The following ACAN variants were observed in gnomAD, a reference collection of about 807,000 sequenced individuals.
ACAN encodes the protein aggrecan, also known as aggrecan core protein.
In ACAN, 47 loss-of-function variants were observed where a neutral mutation model predicts 169.1. That is an observed-to-expected ratio of 0.28 (90% confidence interval 0.22 to 0.35). The LOEUF is 0.35. Ranked by LOEUF, ACAN falls within the 10% of genes least tolerant of loss-of-function variation. The probability of loss-of-function intolerance (pLI) is 1.00; values close to 1 mark genes in which losing one functional copy is unlikely to be tolerated. For synonymous variants in ACAN, 1,115 were observed against 1,112.2 expected (o/e 1.00, Z -0.05); for missense variants, 2,716 against 2,759.9 (o/e 0.98, Z 0.36).
intron 1 of ACAN, among the ~76,000 whole-genome samples, chr15:88,825,149 G>T (rs1185003306): frequency 6.6e-6 from 1 of 152,182 alleles, no homozygotes; most frequent in African/African-American, 2.4e-5. Flanking sequence ...GCAGGAGCAG[G>T]AGCGGATCAC....
At position 88,874,698 on chromosome 15, in the gene ACAN, G is replaced by A; in HGVS notation, c.*217G>A. 1.5e-6 allele frequency: 1 copy of A among 650,162 alleles called. No homozygotes were observed. Among genetic ancestry groups the A allele is most frequent in the Non-Finnish European group, 2.8e-6 (1 of 355,296 alleles). The allele number at this position is 650,162 out of a possible 1,614,324, so 40.3% of individuals were successfully genotyped here. On this transcript the variant is annotated 3_prime_UTR_variant, in exon 19 of 19. Transcript: ENST00000560601. This position sits in a 1 kb window ranked among gnomAD's most constrained non-coding sequence, Gnocchi z 7.3. ...TTTGTCCGCCGAATGCCAAAGCAAA[G>A]CAAACTTATTATAACCCTTGGACTG...
chr15:88,813,092 A>T (rs1420885635), intron 1 of ACAN, among the ~76,000 whole-genome samples: 1 of 152,218 alleles, frequency 6.6e-6, no homozygotes, highest in South Asian at 2.1e-4. Context: ...CAAAAGCTGC[A>T]TGGGACATGA....
intron 1 of ACAN, among the ~76,000 whole-genome samples, chr15:88,813,534 T>C (rs1440229909): frequency 2.0e-5 from 3 of 152,194 alleles, no homozygotes; most frequent in East Asian, 3.9e-4. Context: ...TCTCCCCAGC[T>C]TCTCTCAGTA....
At chr15:88,832,050 A>G (rs746032398) in intron 1 of ACAN, among the ~76,000 whole-genome samples, 22 of 152,194 alleles carry the variant, frequency 1.4e-4, no homozygotes, top group East Asian at 1.9e-4. Flanking sequence ...CTTGAGTACA[A>G]TTGGAGCTGC....
intron 8 of ACAN, 28 bp from the exon 9 acceptor site, chr15:88,847,883 C>T: frequency 6.2e-7 from 1 of 1,610,290 alleles, no homozygotes; most frequent in Non-Finnish European, 8.5e-7. Flanking sequence ...AACAGGCCTT[C>T]ATCTTCTCCT....
chr15:88,824,109 G>T (rs7165121), intron 1 of ACAN, among the ~76,000 whole-genome samples: 1,827 of 152,302 alleles, frequency 0.012, 42 homozygotes, highest in African/African-American at 0.042. Context: ...CAGACCACGA[G>T]ATCAGGAGAT....
At position 88,870,439 on chromosome 15, in the gene ACAN, T is replaced by C. The variant is rs900818796; in HGVS notation, c.7061-943T>C. The stretch of plus-strand genomic sequence containing the variant: ...GCAGATGTTTAACAACCAGCTCTCA[T>C]AGAGGAGAAAGGAGCCCTGATTGTA... On this transcript the variant is annotated intron_variant, in intron 14 of 18. Coordinates refer to ENST00000560601, the MANE Select transcript of ACAN (RefSeq NM_001369268.1). The surrounding 1 kb of genome is among the most constrained non-coding windows in gnomAD (Gnocchi z 6.3). 2.6e-5 allele frequency among the ~76,000 whole-genome samples: 4 copies of C among 152,142 alleles called. No homozygotes were observed. Among genetic ancestry groups the C allele is most frequent in the Non-Finnish European group, 4.4e-5 (3 of 68,024 alleles).
chr15:88,810,453 C>T (rs1408671369), intron 1 of ACAN, among the ~76,000 whole-genome samples: 1 of 152,108 alleles, frequency 6.6e-6, no homozygotes, highest in Non-Finnish European at 1.5e-5. Context: ...CAGCCGCCGC[C>T]TCGGGTCCTG....
rs1487339387 is a variant in ACAN, at chr15:88,840,129, C to T, written c.572C>T (p.Ala191Val). 1.2e-6 allele frequency: 2 copies of T among 1,605,824 alleles called. No individual in the cohort carries two copies. The highest frequency in any genetic ancestry group is 1.7e-6 in the Non-Finnish European group (2 of 1,176,594). Residue 191 changes from alanine to valine, a missense_variant, in exon 4 of 19, where the codon GCC (alanine) becomes GTC (valine). Physicochemically the swap from Ala to Val is moderately conservative, Grantham distance 64 (BLOSUM62 0). Coordinates refer to ENST00000560601, the MANE Select transcript of ACAN (RefSeq NM_001369268.1). ...IIATPEQLQA[A>V]YEDGFHQCDA... ...GCCACGCCTGAGCAGCTGCAGGCCG[C>T]CTACGAAGACGGCTTCCACCAGTGT...
intron 1 of ACAN, among the ~76,000 whole-genome samples, chr15:88,806,970 G>A (rs1895698207): frequency 6.6e-6 from 1 of 152,088 alleles, no homozygotes; most frequent in Non-Finnish European, 1.5e-5. Flanking sequence ...ATAAGGGTAT[G>A]TATGTTTATA....
chr15:88,858,054 C>T lies in ACAN; in HGVS notation c.5469C>T (p.Ser1823=), dbSNP rs751902989. ...PDLVSGTTSG[S]GESSGITFVD... ...TGGTTTCTGGTACCACGAGTGGCAG[C>T]GGTGAATCTTCTGGGATTACATTTG... Residue 1823 remains serine, a synonymous_variant, in exon 12 of 19, where the codon AGC becomes AGT. Transcript: ENST00000560601. The surrounding 1 kb of genome is among the most constrained non-coding windows in gnomAD (Gnocchi z 4.0). 17 of 1,613,750 alleles carry T rather than the reference C, an allele frequency of 1.1e-5. No individual in the cohort carries two copies. Among genetic ancestry groups the T allele is most frequent in the African/African-American group, 8.0e-5 (6 of 74,894 alleles).
chr15:88,842,521 CCCCT>C (rs764868872), intron 5 of ACAN, among the ~76,000 whole-genome samples: 66,659 of 148,538 alleles, frequency 0.45, 15,089 homozygotes, highest in Non-Finnish European at 0.53. Context: ...TCCCCCCTCC[CCCCT>C]ACCTGAGCAC....
intron 13 of ACAN, among the ~76,000 whole-genome samples, chr15:88,862,512 T>C (rs1897214946): frequency 6.6e-6 from 1 of 151,940 alleles, no homozygotes; most frequent in Admixed American, 6.6e-5. Context: ...CTCCAAAGAG[T>C]GAGTGGTGGG....
In ACAN at chr15:88,855,306, A is replaced by G. The variant is rs1289916478; in HGVS notation, c.2721A>G (p.Thr907=). ...TGGACTCCAGTGGTCTTACTTCCACAGTGGGCTCAGGCCTGCCTGTGGAAA... is the reference window on the plus strand; with the variant it reads ...TGGACTCCAGTGGTCTTACTTCCACGGTGGGCTCAGGCCTGCCTGTGGAAA... The part of the protein sequence containing the change: ...GDLDSSGLTS[T]VGSGLPVESG... The change falls in exon 12 of 19, where the codon ACA becomes ACG. Residue 907 remains threonine (T), a synonymous_variant. Transcript: ENST00000560601. 2 of 1,611,706 alleles carry G rather than the reference A, an allele frequency of 1.2e-6. No homozygotes were observed. Among genetic ancestry groups the G allele is most frequent in the Non-Finnish European group, 1.7e-6 (2 of 1,178,464 alleles).
rs757394601 is a variant in ACAN, at chr15:88,871,009, C to A, written c.7061-373C>A. Among the ~76,000 whole-genome samples, 2 of 152,216 alleles carry A rather than the reference C, an allele frequency of 1.3e-5. No homozygotes were observed. Among genetic ancestry groups the A allele is most frequent in the Non-Finnish European group, 2.9e-5 (2 of 68,044 alleles). On this transcript the variant is annotated intron_variant, in intron 14 of 18. Coordinates refer to ENST00000560601, the MANE Select transcript of ACAN (RefSeq NM_001369268.1). The surrounding 1 kb of genome is among the most constrained non-coding windows in gnomAD (Gnocchi z 7.8). The stretch of plus-strand genomic sequence containing the variant: ...CTCTCTCCCTGGAGCCCCCCAGAGC[C>A]ACAGAACCATGTTTTGCCTTAAATC...
chr15:88,847,325 G>T lies in ACAN; in HGVS notation c.1512G>T (p.Gly504=). The part of the protein sequence containing the change: ...EEAQQACLRT[G]AVIASPEQLQ... ...CACAGCAGGCCTGCCTGCGCACGGG[G>T]GCGGTCATTGCCTCGCCGGAGCAGC... The change falls in exon 8 of 19, where the codon GGG becomes GGT. Residue 504 remains glycine, a synonymous_variant. Coordinates refer to ENST00000560601, the MANE Select transcript of ACAN (RefSeq NM_001369268.1). 1 of 1,580,344 alleles carries T rather than the reference G, an allele frequency of 6.3e-7. No individual in the cohort carries two copies. The highest frequency in any genetic ancestry group is 8.6e-7 in the Non-Finnish European group (1 of 1,164,396).
intron 1 of ACAN, among the ~76,000 whole-genome samples, chr15:88,827,685 A>G (rs550328534): frequency 6.6e-5 from 10 of 152,344 alleles, no homozygotes; most frequent in African/African-American, 2.4e-4. Flanking sequence ...GGCATACACA[A>G]TGCAGGTGTT....
At chr15:88,841,636 T>C (rs1896663400) in intron 4 of ACAN, 104 bp from the exon 5 acceptor site, 3 of 1,420,176 alleles carry the variant, frequency 2.1e-6, no homozygotes, top group Admixed American at 3.6e-5. Context: ...TCAAATGCAA[T>C]ATTAAGTTGC....
At chr15:88,818,367 A>G (rs1895993084) in intron 1 of ACAN, among the ~76,000 whole-genome samples, 1 of 152,250 alleles carries the variant, frequency 6.6e-6, no homozygotes, top group East Asian at 1.9e-4. Flanking sequence ...GTTCAGCTGC[A>G]ATGCAGTGGT....
Sources: allele counts gnomAD v4.1 joint callset (sites outside exome capture counted in the v4.1 genomes callset), GRCh38; gene constraint gnomAD v4.1.1; non-coding constraint Gnocchi (gnomAD v3.1); transcripts MANE v1.5; gene names NCBI Gene and HGNC (gene_info 2026-07-23, HGNC 2026-07-21).